TENM2: variants seen among roughly 807,000 people sequenced by gnomAD.
The protein encoded by TENM2 is teneurin-2.
TENM2 carries 52 observed loss-of-function variants against 245.2 expected under a neutral mutation model. The observed-to-expected ratio is 0.21, with a 90% CI of 0.17 to 0.27. The LOEUF (loss-of-function observed/expected upper bound fraction) is 0.27, where lower values mean the gene tolerates loss of function less well. Ranked by LOEUF, TENM2 falls within the 10% of genes least tolerant of loss-of-function variation. The pLI is 1.00. For synonymous variants in TENM2, 1,363 were observed against 1,438.9 expected, an observed-to-expected ratio of 0.95 and a Z score of 1.19; for missense variants, 3,046 against 3,666.8, an observed-to-expected ratio of 0.83 and a Z score of 4.37.
chr5:167,222,175 T>G, the TENM2 span, among the ~76,000 whole-genome samples: 1 of 152,148 alleles, frequency 6.6e-6, no homozygotes, highest in East Asian at 1.9e-4. Flanking sequence ...TAATTTAGAT[T>G]TGTATTTGTG....
intron 7 of TENM2, among the ~76,000 whole-genome samples, chr5:168,067,906 A>G (rs1035402998): frequency 3.3e-5 from 5 of 152,134 alleles, no homozygotes; most frequent in Non-Finnish European, 7.4e-5. Flanking sequence ...GTTTCATTTC[A>G]TTTTGGAGGA....
chr5:167,948,506 T>C (rs1010655475), intron 3 of TENM2, among the ~76,000 whole-genome samples: 7 of 152,224 alleles, frequency 4.6e-5, no homozygotes, highest in African/African-American at 1.7e-4. Flanking sequence ...ATACCTCCCC[T>C]GGTTTTTAGT....
intron 5 of TENM2, 136 bp downstream of exon 7, chr5:167,993,318 A>G: frequency 1.5e-6 from 1 of 669,570 alleles, no homozygotes; most frequent in Non-Finnish European, 2.5e-6. Flanking sequence ...ATAATGAGTG[A>G]TGGATGGAGG....
At chr5:168,190,633 G>A in intron 14 of TENM2, 86 bp downstream of exon 16, 1 of 1,270,218 alleles carries the variant, frequency 7.9e-7, no homozygotes, top group Non-Finnish European at 1.1e-6. Context: ...CTTTCCCGGG[G>A]ACCCAATTGG....
At chr5:167,088,902 A>G in the TENM2 span, among the ~76,000 whole-genome samples, 37 of 152,340 alleles carry the variant, frequency 2.4e-4, no homozygotes, top group African/African-American at 8.7e-4. Flanking sequence ...TCCCACCTCA[A>G]GTAAGTGGCT....
At chr5:167,936,477 A>C (rs966444759) in intron 3 of TENM2, among the ~76,000 whole-genome samples, 2 of 152,214 alleles carry the variant, frequency 1.3e-5, no homozygotes, top group Non-Finnish European at 2.9e-5. Flanking sequence ...AATATTTTGG[A>C]AACAGATTTA....
At chr5:167,374,008 G>A (rs936804559) in intron 1 of TENM2, among the ~76,000 whole-genome samples, 3 of 152,118 alleles carry the variant, frequency 2.0e-5, no homozygotes, top group Non-Finnish European at 4.4e-5. Flanking sequence ...CCGTAAGTGA[G>A]GCCAACTTGT....
chr5:167,437,251 C>T (rs71603832), intron 2 of TENM2, among the ~76,000 whole-genome samples: 25,822 of 152,186 alleles, frequency 0.17, 2,370 homozygotes, highest in Middle Eastern at 0.24. Context: ...GGATGCGAGA[C>T]TTGGAATCAA....
intron 6 of TENM2, among the ~76,000 whole-genome samples, chr5:168,061,560 C>A (rs529741497): frequency 2.7e-4 from 41 of 152,268 alleles, no homozygotes; most frequent in African/African-American, 9.9e-4. Context: ...CCCTCTAACT[C>A]AAGATCTGCT....
the TENM2 span, among the ~76,000 whole-genome samples, chr5:167,129,951 C>T: frequency 1.3e-5 from 2 of 152,040 alleles, no homozygotes; most frequent in African/African-American, 4.8e-5. Context: ...GGCTGAGGTT[C>T]TGAGGGAAAA....
the TENM2 span, among the ~76,000 whole-genome samples, chr5:167,100,902 A>G: frequency 1.3e-5 from 2 of 152,224 alleles, no homozygotes; most frequent in Non-Finnish European, 2.9e-5. Context: ...CAAATTCAAC[A>G]TGAGTAGGAA....
At chr5:167,513,970 G>A (rs1770142518) in intron 2 of TENM2, among the ~76,000 whole-genome samples, 1 of 152,128 alleles carries the variant, frequency 6.6e-6, no homozygotes, top group Non-Finnish European at 1.5e-5. Context: ...CTCCTCTTTA[G>A]TCTTCTTTTC....
chr5:167,184,393 A>C, the TENM2 span, among the ~76,000 whole-genome samples: 2 of 152,324 alleles, frequency 1.3e-5, no homozygotes, highest in East Asian at 1.9e-4. Flanking sequence ...AGGAAAGTAC[A>C]AGAAATACTG....
intron 2 of TENM2, among the ~76,000 whole-genome samples, chr5:167,598,443 A>G (rs1776373231): frequency 1.3e-5 from 2 of 152,338 alleles, no homozygotes; most frequent in South Asian, 4.1e-4. Flanking sequence ...TGATATTTTA[A>G]AAGCAACTTG....
chr5:167,139,127 A>G, the TENM2 span, among the ~76,000 whole-genome samples: 2 of 152,222 alleles, frequency 1.3e-5, no homozygotes, highest in African/African-American at 2.4e-5. Flanking sequence ...TTGCCACATC[A>G]TTGAAGTAAT....
chr5:168,060,483 G>A (rs1789946401), intron 6 of TENM2, among the ~76,000 whole-genome samples: 1 of 152,134 alleles, frequency 6.6e-6, no homozygotes, highest in Non-Finnish European at 1.5e-5. Context: ...CCCATCTGAA[G>A]GTCTGAACCA....
At chr5:168,161,817 T>TAC (rs113801768) in intron 12 of TENM2, among the ~76,000 whole-genome samples, 2,987 of 147,322 alleles carry the variant, frequency 0.02, 60 homozygotes, top group African/African-American at 0.049. Flanking sequence ...AGCGCATGTA[T>TAC]ACACACACAC....
intron 4 of TENM2, among the ~76,000 whole-genome samples, chr5:167,984,411 A>G (rs1475999038): frequency 6.6e-6 from 1 of 152,206 alleles, no homozygotes; most frequent in African/African-American, 2.4e-5. Flanking sequence ...TAATTCTAGC[A>G]CTTTGGGAGA....
intron 2 of TENM2, among the ~76,000 whole-genome samples, chr5:167,510,393 A>T (rs1195463809): frequency 6.6e-6 from 1 of 152,204 alleles, no homozygotes; most frequent in African/African-American, 2.4e-5. Context: ...TCCAAGTTAT[A>T]CTGAAGCAAG....
Sources: allele counts gnomAD v4.1 joint callset (sites outside exome capture counted in the v4.1 genomes callset), GRCh38; gene constraint gnomAD v4.1.1; transcripts MANE v1.5; gene names NCBI Gene and HGNC (gene_info 2026-07-23, HGNC 2026-07-21).